The following KCNH8 variants were observed in gnomAD, a reference collection of about 807,000 sequenced individuals.
KCNH8 encodes the protein potassium voltage-gated channel subfamily H member 8, also known as voltage-gated delayed rectifier potassium channel KCNH8.
A neutral mutation model predicts 103.6 loss-of-function variants in KCNH8; 70 were observed. The observed-to-expected ratio is 0.68, with a 90% CI of 0.56 to 0.82. KCNH8 has a LOEUF of 0.82. KCNH8 is among the 40% of genes least tolerant of loss of function. The probability of loss-of-function intolerance (pLI) is 0.00; values close to 1 mark genes in which losing one functional copy is unlikely to be tolerated. For synonymous variants in KCNH8, 498 were observed against 489.4 expected (o/e 1.02, Z -0.23); for missense variants, 1,217 against 1,329.9 (o/e 0.92, Z 1.32).
chr3:19,493,469 C>A (rs1443477940), intron 11 of KCNH8, among the ~76,000 whole-genome samples: 1 of 152,160 alleles, frequency 6.6e-6, no homozygotes, highest in Admixed American at 6.5e-5. Context: ...TGCTCTCACA[C>A]ACTTGCTTCT....
At chr3:19,208,237 C>T (rs1240070747) in intron 1 of KCNH8, among the ~76,000 whole-genome samples, 1 of 151,904 alleles carries the variant, frequency 6.6e-6, no homozygotes, top group African/African-American at 2.4e-5. Context: ...TGGCAATTTG[C>T]AAAATATTGC....
chr3:19,264,053 C>G lies in KCNH8; in HGVS notation c.310+10166C>G, dbSNP rs996253707. 6.6e-5 allele frequency among the ~76,000 whole-genome samples: 10 copies of G among 151,966 alleles called. No individual in the cohort carries two copies. In the South Asian group the frequency reaches 2.1e-3, roughly 32 times the overall value. ...CCTTACCTGAGACTTTGCATGCCCT[C>G]AAATAGAAAGCATGCATTGTTCTTT... On this transcript the variant is annotated intron_variant, in intron 2 of 15. Coordinates refer to ENST00000328405, the MANE Select transcript of KCNH8 (RefSeq NM_144633.3).
At chr3:19,374,516 T>C (rs2066159110) in intron 5 of KCNH8, among the ~76,000 whole-genome samples, 1 of 152,210 alleles carries the variant, frequency 6.6e-6, no homozygotes, top group Non-Finnish European at 1.5e-5. Context: ...GTGAGATGGG[T>C]TTCCTGAATA....
intron 3 of KCNH8, among the ~76,000 whole-genome samples, chr3:19,313,331 G>A (rs1225715298): frequency 2.0e-5 from 3 of 151,894 alleles, no homozygotes; most frequent in Admixed American, 1.3e-4. Flanking sequence ...ACAGTTTCAA[G>A]TCCTGTCTCT....
intron 1 of KCNH8, among the ~76,000 whole-genome samples, chr3:19,192,174 T>G (rs1374399621): frequency 6.6e-6 from 1 of 151,628 alleles, no homozygotes; most frequent in Non-Finnish European, 1.5e-5. Flanking sequence ...ACAATAACCT[T>G]CAACCGTTTA....
chr3:19,458,722 C>A lies in KCNH8; in HGVS notation c.2040+1740C>A, dbSNP rs375803519. ...ATTTCTCCTAGCTTAAACTCTGTAT[C>A]CTTTAAGCAACGTCTTTCTAATCTC... On this transcript the variant is annotated intron_variant, in intron 11 of 15. Transcript: ENST00000328405. Among the ~76,000 whole-genome samples, 9 of 152,064 alleles carry A rather than the reference C, an allele frequency of 5.9e-5. No individual in the cohort carries two copies. The East Asian group carries it at 1.3e-3, about 23-fold the overall frequency.
intron 3 of KCNH8, among the ~76,000 whole-genome samples, chr3:19,321,589 G>A (rs2065350803): frequency 6.6e-6 from 1 of 151,700 alleles, no homozygotes; most frequent in African/African-American, 2.4e-5. Context: ...GAGACTTCTT[G>A]TGACCTATCA....
chr3:19,487,717 G>A (rs987327505), intron 11 of KCNH8, among the ~76,000 whole-genome samples: 3 of 152,090 alleles, frequency 2.0e-5, no homozygotes, highest in South Asian at 2.1e-4. Flanking sequence ...GGACCGTAAG[G>A]GCCATGATAA....
At chr3:19,474,910 A>G (rs1416592165) in intron 11 of KCNH8, among the ~76,000 whole-genome samples, 1 of 152,178 alleles carries the variant, frequency 6.6e-6, no homozygotes, top group Non-Finnish European at 1.5e-5. Flanking sequence ...ATAGTACAAA[A>G]TGTTAGCATC....
At chr3:19,494,150 G>A (rs1014810675) in intron 11 of KCNH8, among the ~76,000 whole-genome samples, 5 of 152,294 alleles carry the variant, frequency 3.3e-5, no homozygotes, top group East Asian at 1.9e-4. Flanking sequence ...CTCCACCCAC[G>A]TTGCTGCAAA....
chr3:19,325,716 A>G (rs2065413804), intron 3 of KCNH8, among the ~76,000 whole-genome samples: 1 of 152,212 alleles, frequency 6.6e-6, no homozygotes, highest in Non-Finnish European at 1.5e-5. Flanking sequence ...AGTAAAATGA[A>G]TGCTAATACA....
chr3:19,239,119 A>G (rs928007198), intron 1 of KCNH8, among the ~76,000 whole-genome samples: 2 of 152,204 alleles, frequency 1.3e-5, no homozygotes, highest in Non-Finnish European at 2.9e-5. Flanking sequence ...CTAAAATACA[A>G]GAGAACCCAA....
intron 1 of KCNH8, among the ~76,000 whole-genome samples, chr3:19,187,161 C>T (rs1043486834): frequency 1.3e-5 from 2 of 151,740 alleles, no homozygotes; most frequent in Admixed American, 1.3e-4. Context: ...ACAAAAACAG[C>T]CTGCAAAGCA....
intron 5 of KCNH8, among the ~76,000 whole-genome samples, chr3:19,352,377 G>C (rs1486377905): frequency 6.6e-6 from 1 of 152,152 alleles, no homozygotes; most frequent in Non-Finnish European, 1.5e-5. Flanking sequence ...TCTGCACCAA[G>C]CGGACCTAAT....
chr3:19,461,730 A>G (rs2067633222), intron 11 of KCNH8, among the ~76,000 whole-genome samples: 1 of 152,186 alleles, frequency 6.6e-6, no homozygotes, highest in Admixed American at 6.5e-5. Context: ...GGTTTGTTAC[A>G]TAGGTATACA....
intron 1 of KCNH8, among the ~76,000 whole-genome samples, chr3:19,231,184 A>T (rs1254951736): frequency 1.3e-5 from 2 of 152,128 alleles, no homozygotes; most frequent in Non-Finnish European, 2.9e-5. Context: ...TAAAAATTTG[A>T]TTTATTAATA....
chr3:19,490,060 G>C (rs1223050270), intron 11 of KCNH8, among the ~76,000 whole-genome samples: 1 of 152,190 alleles, frequency 6.6e-6, no homozygotes, highest in Non-Finnish European at 1.5e-5. Flanking sequence ...CCGCTCTGAC[G>C]AGGCGTTCCA....
chr3:19,326,144 T>A (rs897379463), intron 3 of KCNH8, among the ~76,000 whole-genome samples: 1 of 151,770 alleles, frequency 6.6e-6, no homozygotes, highest in African/African-American at 2.4e-5. Context: ...TGAGAACTCA[T>A]AGACACATAG....
rs750916820 is a variant in KCNH8, at chr3:19,450,292, T to C, written c.1562T>C (p.Ile521Thr). Reference sequence around the variant, plus strand: ...ACAACCTGGTCAGTCAACAATGGAATAGATTCAAATGAGGTAATGTTCATT... The same window carrying C: ...ACAACCTGGTCAGTCAACAATGGAACAGATTCAAATGAGGTAATGTTCATT... ...FQTTWSVNNG[I>T]DSNELLKDFP... Residue 521 changes from isoleucine to threonine, a missense_variant, in exon 9 of 16, where the codon ATA (isoleucine) becomes ACA (threonine). By Grantham distance (89) the Ile-to-Thr change is moderately conservative. Transcript: ENST00000328405. The C allele has an allele frequency of 9.3e-6, 15 of 1,612,058 alleles. No individual in the cohort carries two copies. Among genetic ancestry groups the C allele is most frequent in the Non-Finnish European group, 1.3e-5 (15 of 1,178,240 alleles).
Sources: allele counts gnomAD v4.1 joint callset (sites outside exome capture counted in the v4.1 genomes callset), GRCh38; gene constraint gnomAD v4.1.1; transcripts MANE v1.5; gene names NCBI Gene and HGNC (gene_info 2026-07-23, HGNC 2026-07-21).